Variants in ATG5 observed in about 807,000 individuals in gnomAD.
ATG5 encodes the protein autophagy related 5.
A neutral mutation model predicts 36.5 loss-of-function variants in ATG5; 14 were observed. That is an observed-to-expected ratio of 0.38 (90% CI 0.25 to 0.60). The LOEUF (loss-of-function observed/expected upper bound fraction) is 0.60, where lower values mean the gene tolerates loss of function less well. ATG5 is among the 20% of genes least tolerant of loss of function. The pLI, the probability that ATG5 is intolerant of heterozygous loss-of-function variation, is 0.60. For synonymous variants in ATG5, 95 were observed against 101.5 expected (o/e 0.94, Z 0.38); for missense variants, 195 against 326.7 (o/e 0.60, Z 3.11).
intron 5 of ATG5, among the ~76,000 whole-genome samples, chr6:106,279,276 T>C (rs1459086106): frequency 6.6e-6 from 1 of 152,084 alleles, no homozygotes; most frequent in East Asian, 1.9e-4. Flanking sequence ...AAAGCAGAGG[T>C]TGGAGTTCAA....
At chr6:106,190,072 T>C (rs1775914658) in intron 7 of ATG5, among the ~76,000 whole-genome samples, 1 of 152,182 alleles carries the variant, frequency 6.6e-6, no homozygotes, top group Non-Finnish European at 1.5e-5. Context: ...ATATATAAAA[T>C]AATAAAATAT....
At chr6:106,219,093 T>C (rs1207486316) in intron 6 of ATG5, among the ~76,000 whole-genome samples, 2 of 152,192 alleles carry the variant, frequency 1.3e-5, no homozygotes, top group Non-Finnish European at 2.9e-5. Flanking sequence ...TTTCAAATTT[T>C]AAACGAGCAG....
At chr6:106,201,628 A>G (rs1019465261) in intron 7 of ATG5, 2 of 155,002 alleles carry the variant, frequency 1.3e-5, no homozygotes, top group East Asian at 1.9e-4. Flanking sequence ...TGAGAAAATT[A>G]TTTTTACCAT....
At chr6:106,263,802 A>C (rs1312475455) in intron 5 of ATG5, among the ~76,000 whole-genome samples, 1 of 152,016 alleles carries the variant, frequency 6.6e-6, no homozygotes, top group Non-Finnish European at 1.5e-5. Flanking sequence ...ACATCAACAT[A>C]AAGGACCCCC....
intron 6 of ATG5, among the ~76,000 whole-genome samples, chr6:106,229,118 A>G (rs1432999357): frequency 6.6e-6 from 1 of 152,154 alleles, no homozygotes; most frequent in Non-Finnish European, 1.5e-5. Flanking sequence ...CTCTGAATCT[A>G]CTTCCTCTGA....
At chr6:106,307,113 G>C (rs1290094804) in intron 3 of ATG5, among the ~76,000 whole-genome samples, 1 of 152,160 alleles carries the variant, frequency 6.6e-6, no homozygotes, top group African/African-American at 2.4e-5. Context: ...ATCAGCACAA[G>C]GTGAGTTCCA....
intron 3 of ATG5, among the ~76,000 whole-genome samples, chr6:106,294,845 G>GAA (rs1219794619): frequency 2.4e-4 from 21 of 85,964 alleles, no homozygotes; most frequent in East Asian, 1.9e-3. Flanking sequence ...CTTTTCTCAA[G>GAA]AAAAAAAAAA....
intron 6 of ATG5, among the ~76,000 whole-genome samples, chr6:106,232,712 G>T (rs1777737302): frequency 6.6e-6 from 1 of 152,060 alleles, no homozygotes; most frequent in East Asian, 1.9e-4. Flanking sequence ...GAAACCCAGT[G>T]GACAGTGGAG....
At chr6:106,251,817 C>A (rs1778603443) in intron 5 of ATG5, among the ~76,000 whole-genome samples, 1 of 151,008 alleles carries the variant, frequency 6.6e-6, no homozygotes, top group Non-Finnish European at 1.5e-5. Context: ...GAAGGAATAA[C>A]CAAGTGTCTT....
chr6:106,244,862 C>A (rs915676816), intron 6 of ATG5, among the ~76,000 whole-genome samples: 1 of 152,188 alleles, frequency 6.6e-6, no homozygotes, highest in Non-Finnish European at 1.5e-5. Flanking sequence ...ATTTATCAAT[C>A]TATTGCTTCT....
At chr6:106,216,576 G>A (rs1777045510) in intron 6 of ATG5, among the ~76,000 whole-genome samples, 1 of 152,228 alleles carries the variant, frequency 6.6e-6, no homozygotes, top group East Asian at 1.9e-4. Context: ...GGGCTGGAGG[G>A]AGGGGGAATG....
At chr6:106,220,431 G>A (rs1582566594) in intron 6 of ATG5, among the ~76,000 whole-genome samples, 1 of 130,646 alleles carries the variant, frequency 7.7e-6, no homozygotes, top group African/African-American at 2.5e-5. Flanking sequence ...CAAGAACTGA[G>A]GCGTATACTT....
chr6:106,257,150 G>A (rs188261120), intron 5 of ATG5, among the ~76,000 whole-genome samples: 5 of 152,208 alleles, frequency 3.3e-5, no homozygotes, highest in Admixed American at 3.3e-4. Flanking sequence ...TCCACATCTT[G>A]TCCCACTGCA....
At chr6:106,268,636 T>C (rs1376348600) in intron 5 of ATG5, among the ~76,000 whole-genome samples, 1 of 152,110 alleles carries the variant, frequency 6.6e-6, no homozygotes, top group Non-Finnish European at 1.5e-5. Flanking sequence ...CAAATGCCCA[T>C]CAATGTTAGA....
intron 5 of ATG5, among the ~76,000 whole-genome samples, chr6:106,261,192 AT>A: frequency 6.6e-6 from 1 of 152,214 alleles, no homozygotes; most frequent in Non-Finnish European, 1.5e-5. Context: ...AACACACATT[AT>A]TTCAAAAAAT....
chr6:106,293,172 A>G (rs1330495932), intron 3 of ATG5, 66 bp from the exon 4 acceptor site: 1 of 1,296,838 alleles, frequency 7.7e-7, no homozygotes, highest in East Asian at 2.4e-5. Flanking sequence ...GGCCAAAATA[A>G]ATTTCCAACA....
At chr6:106,234,931 C>T (rs537165546) in intron 6 of ATG5, among the ~76,000 whole-genome samples, 2 of 152,194 alleles carry the variant, frequency 1.3e-5, no homozygotes, top group South Asian at 2.1e-4. Flanking sequence ...TTTAGACTTG[C>T]TAACCTCTGA....
At chr6:106,210,018 T>C (rs1271555958) in intron 6 of ATG5, among the ~76,000 whole-genome samples, 6 of 152,222 alleles carry the variant, frequency 3.9e-5, no homozygotes, top group African/African-American at 1.4e-4. Flanking sequence ...GATTTCCAAG[T>C]GATTCATGTT....
chr6:106,293,967 CT>C lies in ATG5; in HGVS notation c.237-862del, dbSNP rs200687385. On this transcript the variant is annotated intron_variant, in intron 3 of 7. Transcript: ENST00000369076. ...ATTAGAGAAGTGTTTCAGATTTCAGCTTTTTTTTTTTTCTTCAAATTTTGGA... is the reference window on the plus strand; with the variant it reads ...ATTAGAGAAGTGTTTCAGATTTCAGCTTTTTTTTTTTCTTCAAATTTTGGA... 4.1e-3 allele frequency among the ~76,000 whole-genome samples: 594 copies of C among 145,760 alleles called. 5 individuals are homozygous for C. In the East Asian group the frequency reaches 0.044, roughly 11 times the overall value.
Sources: allele counts gnomAD v4.1 joint callset (sites outside exome capture counted in the v4.1 genomes callset), GRCh38; gene constraint gnomAD v4.1.1; transcripts MANE v1.5; gene names NCBI Gene and HGNC (gene_info 2026-07-23, HGNC 2026-07-21).